The following CIT variants were observed in gnomAD, a reference collection of about 807,000 sequenced individuals.
CIT encodes citron rho-interacting serine/threonine kinase.
Under a neutral mutation model 272.7 loss-of-function variants are expected in CIT, and 79 were observed. That is an observed-to-expected ratio of 0.29 (90% CI 0.24 to 0.35). The LOEUF (loss-of-function observed/expected upper bound fraction) is 0.35. Ranked by LOEUF, CIT falls within the 10% of genes least tolerant of loss-of-function variation. CIT has a pLI of 1.00. For synonymous variants in CIT, 948 were observed against 995.6 expected (o/e 0.95, Z 0.90); for missense variants, 1,909 against 2,618.3 (o/e 0.73, Z 5.91).
In CIT at chr12:119,849,269, A is replaced by G. The variant is rs980568845; in HGVS notation, c.516+905T>C. ...TGGTAAAACCCCATCTCTACTAAAA[A>G]TACAAAAATTAGTTGGGCGTGGTGA... On this transcript the variant is annotated intron_variant, in intron 5 of 47. Coordinates refer to ENST00000392521, the MANE Select transcript of CIT (RefSeq NM_001206999.2). 2.0e-5 allele frequency among the ~76,000 whole-genome samples: 3 copies of G among 152,148 alleles called. No homozygotes were observed. In the South Asian group the frequency reaches 6.2e-4, roughly 32 times the overall value.
chr12:119,751,969 A>T, intron 23 of CIT, 81 bp downstream of exon 23: 1 of 1,237,038 alleles, frequency 8.1e-7, no homozygotes, highest in Non-Finnish European at 1.1e-6. Flanking sequence ...TCTAAGGGTG[A>T]GCCAGTATAC....
intron 9 of CIT, among the ~76,000 whole-genome samples, chr12:119,805,551 G>A (rs1966541795): frequency 6.6e-6 from 1 of 152,204 alleles, no homozygotes; most frequent in South Asian, 2.1e-4. Context: ...GCACAGGGCA[G>A]AGACACATCC....
chr12:119,699,608 G>A (rs539228480), intron 44 of CIT, among the ~76,000 whole-genome samples: 2 of 152,174 alleles, frequency 1.3e-5, no homozygotes, highest in Admixed American at 6.5e-5. Context: ...AGAAGCCAGC[G>A]TGGAAAGCAA....
In CIT at chr12:119,742,442, C is replaced by T. The variant is rs373387575; in HGVS notation, c.2927G>A (p.Arg976His). The T allele has an allele frequency of 4.2e-5, 67 of 1,610,296 alleles. No homozygotes were observed. Among genetic ancestry groups the T allele is most frequent in the Non-Finnish European group, 5.1e-5 (60 of 1,178,864 alleles). Residue 976 changes from arginine to histidine, a missense_variant, in exon 24 of 48, where the codon CGC becomes CAC. This residue lies in a region of CIT where 530 missense variants were observed against 822.4 expected (regional missense o/e 0.64). Transcript: ENST00000392521. Reference sequence around the variant, plus strand: ...GCTGTTACGAAGAGCATCAAATTTGCGCTGGATTTCATCTCTATGTGCCTA... The same window carrying T: ...GCTGTTACGAAGAGCATCAAATTTGTGCTGGATTTCATCTCTATGTGCCTA... ...ALTAHRDEIQRKFDALRNSCT... is the reference protein window; with the variant it reads ...ALTAHRDEIQHKFDALRNSCT...
intron 2 of CIT, among the ~76,000 whole-genome samples, chr12:119,872,716 G>A (rs1566154678): frequency 6.6e-6 from 1 of 152,122 alleles, no homozygotes; most frequent in African/African-American, 2.4e-5. Flanking sequence ...GTCTGATCTT[G>A]GCCTCATCTG....
rs1378099160 is a variant in CIT at position 119,714,469 on chromosome 12, T to C, written c.4169-135A>G. ...ATAAGGGACTCATATCTAGAATACA[T>C]AAAGAACTCTTACAACTCAATAATA... On this transcript the variant is annotated intron_variant, in intron 32 of 47. Transcript: ENST00000392521. The C allele has an allele frequency of 3.4e-6, 3 of 876,802 alleles. No homozygotes were observed. The African/African-American group carries it at 5.1e-5, about 15-fold the overall frequency. The allele number at this position is 876,802 out of a possible 1,614,324, so 54.3% of individuals were successfully genotyped here.
intron 5 of CIT, among the ~76,000 whole-genome samples, chr12:119,835,519 T>C (rs1220110918): frequency 6.6e-6 from 1 of 152,208 alleles, no homozygotes; most frequent in Non-Finnish European, 1.5e-5. Context: ...TCGCCCTGAT[T>C]TCCCATTTTA....
chr12:119,846,751 A>G (rs1969833155), intron 5 of CIT, among the ~76,000 whole-genome samples: 1 of 152,148 alleles, frequency 6.6e-6, no homozygotes, highest in South Asian at 2.1e-4. Context: ...TGAAAAATTT[A>G]AAAATTCGCT....
chr12:119,727,545 C>G (rs1958178718), intron 28 of CIT, among the ~76,000 whole-genome samples: 3 of 152,138 alleles, frequency 2.0e-5, no homozygotes, highest in South Asian at 2.1e-4. Context: ...GCCCAGACTT[C>G]ACCACCACAC....
chr12:119,853,239 G>A (rs2138270249), intron 4 of CIT, among the ~76,000 whole-genome samples: 1 of 151,404 alleles, frequency 6.6e-6, no homozygotes, highest in African/African-American at 2.4e-5. Context: ...CCTGAGGCAG[G>A]AGAATTGTTT....
intron 24 of CIT, 146 bp from the exon 25 acceptor site, chr12:119,735,503 T>C (rs1483797114): frequency 8.4e-6 from 6 of 715,874 alleles, no homozygotes; most frequent in African/African-American, 3.5e-5. Context: ...GTGAGAGCCA[T>C]GTCCAAGCTC....
chr12:119,704,836 C>A (rs1406526971), intron 40 of CIT, among the ~76,000 whole-genome samples: 1 of 152,214 alleles, frequency 6.6e-6, no homozygotes, highest in Non-Finnish European at 1.5e-5. Flanking sequence ...TTTTGACAAA[C>A]TTCCCTTGTG....
intron 10 of CIT, among the ~76,000 whole-genome samples, chr12:119,794,288 GAATGAATGAATA>G (rs1965548309): frequency 6.6e-6 from 1 of 152,076 alleles, no homozygotes; most frequent in African/African-American, 2.4e-5. Flanking sequence ...ATGAATGAAT[GAATGAATGAATA>G]AATAAGTGAA....
chr12:119,743,011 A>AAT lies in CIT; in HGVS notation c.2905-549_2905-548dup, dbSNP rs1490529780. On this transcript the variant is annotated intron_variant, in intron 23 of 47. Coordinates refer to ENST00000392521, the MANE Select transcript of CIT (RefSeq NM_001206999.2). ...AAAACTCTACATCGGCCTTGAAATA[A>AAT]ATATATATAGGCTTTCTCCAGGAAA... 1.3e-4 allele frequency among the ~76,000 whole-genome samples: 20 copies of AAT among 152,238 alleles called. No homozygotes were observed. In the East Asian group the frequency reaches 3.9e-3, roughly 29 times the overall value.
intron 20 of CIT, among the ~76,000 whole-genome samples, chr12:119,760,469 ACTT>A (rs1961628163): frequency 6.6e-6 from 1 of 152,038 alleles, no homozygotes; most frequent in African/African-American, 2.4e-5. Context: ...TCTACAGAAA[ACTT>A]AAAAATTAGG....
intron 2 of CIT, among the ~76,000 whole-genome samples, chr12:119,869,851 TC>T (rs1223908540): frequency 6.6e-6 from 1 of 152,228 alleles, no homozygotes; most frequent in Non-Finnish European, 1.5e-5. Flanking sequence ...CACTGGCACA[TC>T]CGGCAACACT....
At chr12:119,787,941 G>A (rs779727089) in intron 10 of CIT, among the ~76,000 whole-genome samples, 22 of 152,056 alleles carry the variant, frequency 1.4e-4, no homozygotes, top group African/African-American at 3.1e-4. Flanking sequence ...GCAAGTGTTC[G>A]ACAAATGTCA....
chr12:119,805,962 C>T (rs538803496), intron 9 of CIT, among the ~76,000 whole-genome samples: 29 of 151,904 alleles, frequency 1.9e-4, no homozygotes, highest in South Asian at 1.7e-3. Flanking sequence ...TGGTAAAACC[C>T]CATCTCTATT....
chr12:119,693,674 C>G (rs1956076320), intron 46 of CIT, among the ~76,000 whole-genome samples: 1 of 152,190 alleles, frequency 6.6e-6, no homozygotes, highest in Admixed American at 6.5e-5. Flanking sequence ...GAAGCAGGGC[C>G]AAGCCAAGAG....
Sources: allele counts gnomAD v4.1 joint callset (sites outside exome capture counted in the v4.1 genomes callset), GRCh38; gene constraint gnomAD v4.1.1; regional missense constraint gnomAD v4.1.1; transcripts MANE v1.5; gene names NCBI Gene and HGNC (gene_info 2026-07-23, HGNC 2026-07-21).